The following PRKCH variants were observed in gnomAD, a reference collection of about 807,000 sequenced individuals.
The protein encoded by PRKCH is protein kinase C eta.
PRKCH carries 28 observed loss-of-function variants against 82.5 expected under a neutral mutation model. That is an observed-to-expected ratio of 0.34 (90% CI 0.25 to 0.47). The LOEUF (loss-of-function observed/expected upper bound fraction) is 0.47, where lower values mean the gene tolerates loss of function less well. Ranked by LOEUF, PRKCH falls within the 20% of genes least tolerant of loss-of-function variation. PRKCH has a pLI of 1.00. For synonymous variants in PRKCH, 322 were observed against 327.4 expected (o/e 0.98, Z 0.18); for missense variants, 705 against 881.8 (o/e 0.80, Z 2.54).
At chr14:61,475,541 TG>T (rs1885693781) in intron 9 of PRKCH, among the ~76,000 whole-genome samples, 2 of 152,204 alleles carry the variant, frequency 1.3e-5, no homozygotes, top group Admixed American at 1.3e-4. Flanking sequence ...GCTAAAAAAA[TG>T]ATCTTTATCA....
chr14:61,264,797 T>C (rs2045082518), intron 1 of PRKCH, among the ~76,000 whole-genome samples: 1 of 152,154 alleles, frequency 6.6e-6, no homozygotes, highest in Non-Finnish European at 1.5e-5. Flanking sequence ...AGTGACCTTT[T>C]TGGGATAGTG....
chr14:61,449,353 C>A, intron 5 of PRKCH, 101 bp downstream of exon 5: 1 of 999,426 alleles, frequency 1.0e-6, no homozygotes, highest in Non-Finnish European at 1.5e-6. Context: ...CCCCTCTTTT[C>A]CTTCTCCCCG....
chr14:61,316,485 C>G, intron 1 of PRKCH, among the ~76,000 whole-genome samples: 1 of 152,218 alleles, frequency 6.6e-6, no homozygotes, highest in East Asian at 1.9e-4. Flanking sequence ...ATAAAACCCT[C>G]TAGTCTATAA....
intron 1 of PRKCH, among the ~76,000 whole-genome samples, chr14:61,379,283 A>G (rs1258029153): frequency 1.3e-5 from 2 of 151,764 alleles, no homozygotes; most frequent in Admixed American, 6.6e-5. Context: ...TCTTTTGTGG[A>G]GCTTTCGTCT....
chr14:61,507,339 G>A (rs562096652), intron 10 of PRKCH, among the ~76,000 whole-genome samples: 14 of 152,258 alleles, frequency 9.2e-5, no homozygotes, highest in Admixed American at 2.0e-4. Flanking sequence ...TGGTGGAAAT[G>A]TAAATTGGTG....
intron 2 of PRKCH, among the ~76,000 whole-genome samples, chr14:61,404,956 A>ACT (rs56056705): frequency 7.6e-5 from 1 of 13,204 alleles, no homozygotes; most frequent in Non-Finnish European, 1.9e-4. Context: ...CTCTTCAAGA[A>ACT]TACCCTTGTC....
intron 1 of PRKCH, among the ~76,000 whole-genome samples, chr14:61,211,535 T>C (rs1458868769): frequency 2.0e-5 from 3 of 152,220 alleles, no homozygotes; most frequent in Non-Finnish European, 1.5e-5. Flanking sequence ...TCTAGTAGGA[T>C]GCTTTGCATA....
At chr14:61,402,407 T>C (rs147565346) in intron 2 of PRKCH, among the ~76,000 whole-genome samples, 13 of 152,374 alleles carry the variant, frequency 8.5e-5, no homozygotes, top group South Asian at 2.1e-4. Context: ...CTATTAAAAT[T>C]ATATTTTTAA....
Position 61,531,872 on chromosome 14 carries a change from T to C in PRKCH, c.1761+1277T>C, listed in dbSNP as rs191504378. ...CATAAATATGGCTTTTATAATTTTA[T>C]GGAAAAAAAAAGTCACAGAGAAGGG... On this transcript the variant is annotated intron_variant, in intron 12 of 13. Transcript: ENST00000332981. Among the ~76,000 whole-genome samples the C allele has an allele frequency of 4.8e-4, 73 of 152,210 alleles. No homozygotes were observed. In the East Asian group the frequency reaches 0.011, roughly 22 times the overall value.
At chr14:61,194,728 C>A (rs762069586) in intron 1 of PRKCH, among the ~76,000 whole-genome samples, 82 of 152,174 alleles carry the variant, frequency 5.4e-4, no homozygotes, top group Admixed American at 4.9e-3. Context: ...TCGTCATTAT[C>A]ATTTTATTTA....
At chr14:61,267,333 C>T (rs1443623055) in intron 1 of PRKCH, among the ~76,000 whole-genome samples, 1 of 152,222 alleles carries the variant, frequency 6.6e-6, no homozygotes, top group East Asian at 1.9e-4. Flanking sequence ...GCCTATCTAG[C>T]AAAGCTTCCC....
chr14:61,356,879 G>T (rs1415682654), intron 1 of PRKCH, among the ~76,000 whole-genome samples: 1 of 151,934 alleles, frequency 6.6e-6, no homozygotes, highest in Non-Finnish European at 1.5e-5. Context: ...ACAGGGTTTC[G>T]CCATGTTGGC....
chr14:61,348,205 T>A (rs2046021989), intron 1 of PRKCH: 1 of 152,334 alleles, frequency 6.6e-6, no homozygotes, highest in Admixed American at 6.5e-5. Flanking sequence ...CTGTGGTCTG[T>A]CACAGCCAGA....
chr14:61,350,133 C>T (rs776738802), intron 1 of PRKCH, among the ~76,000 whole-genome samples: 11 of 152,056 alleles, frequency 7.2e-5, no homozygotes, highest in Non-Finnish European at 1.2e-4. Context: ...GCTTTATATG[C>T]TGTCTCTTGC....
At chr14:61,533,506 G>A (rs1476296329) in intron 12 of PRKCH, among the ~76,000 whole-genome samples, 1 of 152,216 alleles carries the variant, frequency 6.6e-6, no homozygotes, top group Non-Finnish European at 1.5e-5. Flanking sequence ...ACACTGAGGA[G>A]GGAAAGGCAT....
chr14:61,213,574 G>A (rs910179635), intron 1 of PRKCH, among the ~76,000 whole-genome samples: 1 of 152,160 alleles, frequency 6.6e-6, no homozygotes, highest in Non-Finnish European at 1.5e-5. Context: ...GTGGTGATGC[G>A]TTTAATGTAA....
At chr14:61,321,474 C>T (rs1479739086), upstream of PRKCH, among the ~76,000 whole-genome samples, 2 of 152,200 alleles carry the variant, frequency 1.3e-5, no homozygotes, top group African/African-American at 4.8e-5. The surrounding 1 kb of genome is among the most constrained non-coding windows in gnomAD (Gnocchi z 4.1). Context: ...CGGGCACTGG[C>T]CTCCCGGGGG....
chr14:61,199,368 C>T (rs1201796332), intron 1 of PRKCH, among the ~76,000 whole-genome samples: 2 of 152,216 alleles, frequency 1.3e-5, no homozygotes, highest in Non-Finnish European at 2.9e-5. Context: ...GTTTCCCAGA[C>T]ATCAAGGAAC....
At chr14:61,269,658 C>A (rs1055081746) in intron 1 of PRKCH, among the ~76,000 whole-genome samples, 1 of 152,222 alleles carries the variant, frequency 6.6e-6, no homozygotes, top group Non-Finnish European at 1.5e-5. Context: ...CTACTATTTA[C>A]ATGCACATAC....
Sources: gnomAD v4.1 joint callset for allele counts (sites outside exome capture counted in the v4.1 genomes callset) on GRCh38, gnomAD v4.1.1 for gene constraint, Gnocchi (gnomAD v3.1) non-coding constraint, MANE v1.5 for transcripts, NCBI Gene and HGNC (gene_info 2026-07-23, HGNC 2026-07-21) for gene names.